Variants in SGF29 observed in about 807,000 individuals in gnomAD.
The protein encoded by SGF29 is SAGA-associated factor 29.
Under a neutral mutation model 38.1 loss-of-function variants are expected in SGF29, and 15 were observed. The observed-to-expected ratio is 0.39, with a 90% CI of 0.26 to 0.61. The LOEUF (loss-of-function observed/expected upper bound fraction) is 0.61, where lower values mean the gene tolerates loss of function less well. Ranked by LOEUF, SGF29 falls within the 20% of genes least tolerant of loss-of-function variation. The probability of loss-of-function intolerance (pLI) is 0.49; values close to 1 mark genes in which losing one functional copy is unlikely to be tolerated. For missense variants in SGF29, 184 were observed against 394.6 expected (o/e 0.47, Z 4.52); for synonymous variants, 151 against 160.8 (o/e 0.94, Z 0.46).
chr16:28,570,698 C>T (rs1189973235), intron 1 of SGF29, among the ~76,000 whole-genome samples: 1 of 151,982 alleles, frequency 6.6e-6, no homozygotes, highest in Non-Finnish European at 1.5e-5. Context: ...CCTGCCTCAG[C>T]TTCCTGAGTA....
chr16:28,564,529 A>ATATATATGTATATATATACG (rs2046810008), intron 1 of SGF29, among the ~76,000 whole-genome samples: 2 of 122,690 alleles, frequency 1.6e-5, no homozygotes, highest in Non-Finnish European at 3.4e-5. Flanking sequence ...ATGTGTGTGT[A>ATATATATGTATATATATACG]TATATATATG....
At chr16:28,562,903 C>CA (rs753973229) in intron 1 of SGF29, among the ~76,000 whole-genome samples, 13,054 of 50,244 alleles carry the variant, frequency 0.26, 1,982 homozygotes, top group Admixed American at 0.34. Context: ...GACCCTGTCT[C>CA]AAAAAAAAAA....
At position 28,564,728 on chromosome 16, in the gene SGF29, CATATATATGTATATATGTATATATATG is replaced by C. The variant is rs2046822734; in HGVS notation, c.-16+10632_-16+10658del. Among the ~76,000 whole-genome samples the C allele has an allele frequency of 2.8e-5, 2 of 70,238 alleles. 1 individual carries two copies. Among genetic ancestry groups the C allele is most frequent in the Non-Finnish European group, 5.5e-5 (2 of 36,420 alleles). 46.1% of individuals were successfully genotyped at this position (70,238 alleles called of 152,430 possible). On this transcript the variant is annotated intron_variant, in intron 1 of 9. Coordinates refer to ENST00000317058, the MANE Select transcript of SGF29 (RefSeq NM_138414.3). ...ATATACATATATATGTATATATATA[CATATATATGTATATATGTATATATATG>C]TATATATGTATATATATGTATATAT...
At chr16:28,558,368 C>A (rs554215952) in intron 1 of SGF29, among the ~76,000 whole-genome samples, 1 of 151,930 alleles carries the variant, frequency 6.6e-6, no homozygotes, top group Admixed American at 6.6e-5. Flanking sequence ...CCCGCCTTGG[C>A]CTTCCAAAGT....
At chr16:28,556,156 T>C (rs993326474) in intron 1 of SGF29, among the ~76,000 whole-genome samples, 1 of 152,088 alleles carries the variant, frequency 6.6e-6, no homozygotes, top group Non-Finnish European at 1.5e-5. Context: ...AATTGATGAA[T>C]ATAGATTCTA....
chr16:28,589,097 C>CA lies in SGF29; in HGVS notation c.225-2dup, dbSNP rs542947065. 1.7e-3 allele frequency: 2,697 copies of CA among 1,614,188 alleles called. 26 individuals carry two copies. The highest frequency in any genetic ancestry group is 0.015 in the South Asian group (1,349 of 91,088). On this transcript the variant is annotated splice_polypyrimidine_tract_variant and splice_region_variant and intron_variant, in intron 4 of 9. Transcript: ENST00000317058. The stretch of plus-strand genomic sequence containing the variant: ...CCTCTTTCTCCCTTCTCCCCGCCCT[C>CA]AGCATCCTTCGGAAAGCTCTGGACA...
intron 1 of SGF29, among the ~76,000 whole-genome samples, chr16:28,560,978 GCAAT>G (rs1396054955): frequency 7.0e-6 from 1 of 143,410 alleles, no homozygotes; most frequent in East Asian, 1.9e-4. Flanking sequence ...AAAAAAAAAG[GCAAT>G]CAACGAAGAT....
intron 1 of SGF29, among the ~76,000 whole-genome samples, chr16:28,573,274 G>A (rs2046875872): frequency 6.6e-6 from 1 of 152,136 alleles, no homozygotes; most frequent in African/African-American, 2.4e-5. Context: ...GCTGGAGGTG[G>A]GTGGCCGGCG....
chr16:28,564,529 A>ATATATATATG (rs2046810055), intron 1 of SGF29, among the ~76,000 whole-genome samples: 1 of 122,690 alleles, frequency 8.2e-6, no homozygotes, highest in Non-Finnish European at 1.7e-5. Context: ...ATGTGTGTGT[A>ATATATATATG]TATATATATG....
At chr16:28,560,757 C>T (rs1361348507) in intron 1 of SGF29, among the ~76,000 whole-genome samples, 3 of 151,758 alleles carry the variant, frequency 2.0e-5, no homozygotes, top group African/African-American at 7.3e-5. Flanking sequence ...GTCAGCAGAT[C>T]GAGACCATCC....
intron 1 of SGF29, among the ~76,000 whole-genome samples, chr16:28,574,883 T>C (rs1041620696): frequency 3.3e-5 from 5 of 152,364 alleles, no homozygotes; most frequent in African/African-American, 1.2e-4. Context: ...TTTATTCTTT[T>C]GTGTGGTTTT....
intron 1 of SGF29, among the ~76,000 whole-genome samples, chr16:28,564,781 A>ATG (rs2046826303): frequency 1.2e-4 from 14 of 113,184 alleles, no homozygotes; most frequent in South Asian, 2.6e-4. Flanking sequence ...ATGTATATAT[A>ATG]TATATACACA....
intron 1 of SGF29, among the ~76,000 whole-genome samples, chr16:28,570,979 AT>A (rs1275203084): frequency 6.6e-6 from 1 of 152,090 alleles, no homozygotes; most frequent in East Asian, 1.9e-4. Flanking sequence ...GACTGAATGT[AT>A]TTTGCAAGTA....
In SGF29 at chr16:28,564,478, G is replaced by A. The variant is rs183030505; in HGVS notation, c.-16+10381G>A. Among the ~76,000 whole-genome samples the A allele has an allele frequency of 1.2e-3, 179 of 147,112 alleles. 2 individuals carry two copies. Among genetic ancestry groups the A allele is most frequent in the Non-Finnish European group, 2.4e-4 (16 of 67,258 alleles). On this transcript the variant is annotated intron_variant, in intron 1 of 9. Coordinates refer to ENST00000317058, the MANE Select transcript of SGF29 (RefSeq NM_138414.3). ...GGGAGCGTGGAGGCCTGGTGTGTTA[G>A]CGTTCTCCAGAGGGACAGAACTCTG...
chr16:28,583,168 TTCTC>T (rs377649078), intron 2 of SGF29, among the ~76,000 whole-genome samples: 1 of 152,134 alleles, frequency 6.6e-6, no homozygotes, highest in Non-Finnish European at 1.5e-5. Flanking sequence ...AGAGATGGCA[TTCTC>T]TCTCTCTCAG....
intron 1 of SGF29, among the ~76,000 whole-genome samples, chr16:28,580,800 G>A (rs2046920553): frequency 6.6e-6 from 1 of 152,156 alleles, no homozygotes; most frequent in African/African-American, 2.4e-5. Context: ...ACTCACCTTA[G>A]CTTCTCGAAT....
At chr16:28,571,586 C>T (rs980327242) in intron 1 of SGF29, among the ~76,000 whole-genome samples, 7 of 131,568 alleles carry the variant, frequency 5.3e-5, no homozygotes, top group Admixed American at 8.3e-5. Flanking sequence ...AACTAGACTC[C>T]GCCTTAAAAA....
intron 1 of SGF29, among the ~76,000 whole-genome samples, chr16:28,568,916 A>C (rs1473739029): frequency 2.0e-5 from 3 of 148,596 alleles, no homozygotes; most frequent in Non-Finnish European, 4.5e-5. Flanking sequence ...CATCTCAAAA[A>C]AAGAAAAAAA....
At chr16:28,581,482 C>T (rs966862575) in intron 2 of SGF29, among the ~76,000 whole-genome samples, 3 of 152,080 alleles carry the variant, frequency 2.0e-5, no homozygotes, top group Admixed American at 6.6e-5. Context: ...TTTTAACACC[C>T]AACAAAAATG....
Sources: allele counts gnomAD v4.1 joint callset (sites outside exome capture counted in the v4.1 genomes callset), GRCh38; gene constraint gnomAD v4.1.1; transcripts MANE v1.5; gene names NCBI Gene and HGNC (gene_info 2026-07-23, HGNC 2026-07-21).